The following ENTREP2 variants were observed in gnomAD, a reference collection of about 807,000 sequenced individuals.
ENTREP2 encodes endosomal transmembrane epsin interactor 2, also known as protein ENTREP2.
the ENTREP2 span, among the ~76,000 whole-genome samples, chr15:29,227,386 G>A: frequency 6.6e-6 from 1 of 152,164 alleles, no homozygotes; most frequent in African/African-American, 2.4e-5. Context: ...GTGTTTGCAG[G>A]CTGGTCTTAA....
At chr15:29,476,219 C>T in the ENTREP2 span, among the ~76,000 whole-genome samples, 2,955 of 152,264 alleles carry the variant, frequency 0.019, 112 homozygotes, top group African/African-American at 0.068. Context: ...TGGCTATTTA[C>T]ATAACGTGTT....
chr15:29,415,271 A>C, the ENTREP2 span, among the ~76,000 whole-genome samples: 1 of 152,230 alleles, frequency 6.6e-6, no homozygotes, highest in Non-Finnish European at 1.5e-5. Context: ...TGGCAAACCG[A>C]ATCCAGCAGC....
At chr15:29,187,942 C>G in the ENTREP2 span, among the ~76,000 whole-genome samples, 1 of 152,116 alleles carries the variant, frequency 6.6e-6, no homozygotes, top group Non-Finnish European at 1.5e-5. Context: ...GGGATGCCTG[C>G]TAGCCAGGGA....
the ENTREP2 span, among the ~76,000 whole-genome samples, chr15:29,148,928 G>A: frequency 6.6e-6 from 1 of 150,948 alleles, no homozygotes; most frequent in South Asian, 2.1e-4. Context: ...CCAGGCTGTA[G>A]TGCAATGGCA....
At chr15:29,469,254 C>T in the ENTREP2 span, among the ~76,000 whole-genome samples, 6 of 152,340 alleles carry the variant, frequency 3.9e-5, no homozygotes, top group Admixed American at 1.3e-4. Context: ...GGCTGGAGTA[C>T]AGTGGCGTGA....
chr15:29,323,342 A>T, the ENTREP2 span, among the ~76,000 whole-genome samples: 1 of 152,166 alleles, frequency 6.6e-6, no homozygotes, highest in African/African-American at 2.4e-5. Flanking sequence ...AAGCCTCGAT[A>T]AAAACCCAAG....
At chr15:29,313,092 CA>C in the ENTREP2 span, among the ~76,000 whole-genome samples, 1 of 152,206 alleles carries the variant, frequency 6.6e-6, no homozygotes, top group Non-Finnish European at 1.5e-5. Flanking sequence ...AAATCTGATC[CA>C]CAGCAAGGCC....
the ENTREP2 span, among the ~76,000 whole-genome samples, chr15:29,481,975 G>A: frequency 1.3e-5 from 2 of 151,954 alleles, no homozygotes; most frequent in South Asian, 2.1e-4. Context: ...CCCCATCAGA[G>A]TGGTGTATTT....
chr15:29,196,583 A>G, the ENTREP2 span: 1 of 1,540,846 alleles, frequency 6.5e-7, no homozygotes. Context: ...AGGAACACAG[A>G]CAGACCTCAC....
chr15:29,303,929 G>A, the ENTREP2 span, among the ~76,000 whole-genome samples: 24 of 151,952 alleles, frequency 1.6e-4, no homozygotes, highest in Admixed American at 7.9e-4. Flanking sequence ...CACCCAGGCC[G>A]GAATGCAGTG....
chr15:29,133,820 G>C, the ENTREP2 span, among the ~76,000 whole-genome samples: 1 of 152,092 alleles, frequency 6.6e-6, no homozygotes, highest in South Asian at 2.1e-4. Flanking sequence ...TCATCTGGTG[G>C]ACACTCACTC....
the ENTREP2 span, chr15:29,196,605 A>T: frequency 6.5e-7 from 1 of 1,532,700 alleles, no homozygotes; most frequent in Non-Finnish European, 8.8e-7. Flanking sequence ...GTTAACAGGC[A>T]TTCGACCCCC....
the ENTREP2 span, among the ~76,000 whole-genome samples, chr15:29,295,262 G>C: frequency 6.6e-6 from 1 of 152,228 alleles, no homozygotes; most frequent in Non-Finnish European, 1.5e-5. Flanking sequence ...CACTGACGAC[G>C]ATGGGCAGCT....
chr15:29,462,494 C>T, the ENTREP2 span, among the ~76,000 whole-genome samples: 1 of 152,116 alleles, frequency 6.6e-6, no homozygotes, highest in South Asian at 2.1e-4. Context: ...CCTGTAATGC[C>T]AGCTACTCGG....
the ENTREP2 span, among the ~76,000 whole-genome samples, chr15:29,345,910 A>G: frequency 1.3e-5 from 2 of 152,134 alleles, no homozygotes; most frequent in Non-Finnish European, 2.9e-5. Context: ...GACATTTATT[A>G]CCTGCCAGAC....
the ENTREP2 span, among the ~76,000 whole-genome samples, chr15:29,479,308 A>C: frequency 6.6e-6 from 1 of 152,002 alleles, no homozygotes. Flanking sequence ...TCTGTGAATA[A>C]AACTCCCTGA....
chr15:29,172,088 C>A, the ENTREP2 span, among the ~76,000 whole-genome samples: 1 of 152,106 alleles, frequency 6.6e-6, no homozygotes, highest in Admixed American at 6.5e-5. Context: ...CCGTAATGCA[C>A]CTCTTTTGCT....
chr15:29,201,239 C>G, the ENTREP2 span, among the ~76,000 whole-genome samples: 1 of 152,198 alleles, frequency 6.6e-6, no homozygotes, highest in Admixed American at 6.5e-5. Flanking sequence ...TATATTTGTT[C>G]TTTTCTAATC....
the ENTREP2 span, among the ~76,000 whole-genome samples, chr15:29,491,739 T>C: frequency 6.6e-6 from 1 of 152,194 alleles, no homozygotes; most frequent in African/African-American, 2.4e-5. Context: ...TTCATGGAGA[T>C]AGCCAGCATA....
Sources: gnomAD v4.1 joint callset for allele counts (sites outside exome capture counted in the v4.1 genomes callset) on GRCh38, gnomAD v4.1.1 for gene constraint, MANE v1.5 for transcripts, NCBI Gene and HGNC (gene_info 2026-07-23, HGNC 2026-07-21) for gene names.